Variants in CTNNA2 observed in about 807,000 individuals in gnomAD.
CTNNA2 encodes catenin alpha 2.
In CTNNA2, 42 loss-of-function variants were observed where a neutral mutation model predicts 101.0. The observed-to-expected ratio is 0.42, with a 90% CI of 0.32 to 0.54. The LOEUF is 0.54. Among genes scored for constraint, CTNNA2 ranks in the 20% least tolerant of loss-of-function variants. The pLI, the probability that CTNNA2 is intolerant of heterozygous loss-of-function variation, is 0.14. For synonymous variants in CTNNA2, 450 were observed against 456.4 expected (o/e 0.99, Z 0.18); for missense variants, 871 against 1,223.1 (o/e 0.71, Z 4.29).
At chr2:80,230,329 CA>C (rs2149072451) in intron 7 of CTNNA2, among the ~76,000 whole-genome samples, 1 of 147,026 alleles carries the variant, frequency 6.8e-6, no homozygotes, top group Admixed American at 6.9e-5. Flanking sequence ...CTCCTGGCCT[CA>C]AGCAATCTTC....
At chr2:79,482,339 A>C (rs546110660) in intron 4 of CTNNA2, among the ~76,000 whole-genome samples, 1 of 152,312 alleles carries the variant, frequency 6.6e-6, no homozygotes, top group South Asian at 2.1e-4. Context: ...GCACACAGGG[A>C]TGAAGGGTGC....
At chr2:79,313,413 A>G (rs1676427686) in intron 3 of CTNNA2, among the ~76,000 whole-genome samples, 1 of 152,204 alleles carries the variant, frequency 6.6e-6, no homozygotes, top group Admixed American at 6.5e-5. Context: ...TATGCTATGT[A>G]GTTTGCATGT....
chr2:79,810,036 T>C (rs11894704), intron 3 of CTNNA2, among the ~76,000 whole-genome samples: 29,113 of 152,044 alleles, frequency 0.19, 3,267 homozygotes, highest in African/African-American at 0.31. Flanking sequence ...AATAACCAGC[T>C]AGCATCATAA....
chr2:80,571,929 T>C lies in CTNNA2; in HGVS notation c.1742-2234T>C, dbSNP rs150144836. Among the ~76,000 whole-genome samples, 17 of 152,266 alleles carry C rather than the reference T, an allele frequency of 1.1e-4. No individual in the cohort carries two copies. In the East Asian group the frequency reaches 3.3e-3, roughly 29 times the overall value. ...TATATAACCTAGCAGGAAACAACTG[T>C]CTCTATGGTTATAGAGACACAAAAA... On this transcript the variant is annotated intron_variant, in intron 12 of 18. Transcript: ENST00000402739.
At position 79,217,155 on chromosome 2, in the gene CTNNA2, G is replaced by A. The variant is rs537977323; in HGVS notation, c.-406+19079G>A. Among the ~76,000 whole-genome samples the A allele has an allele frequency of 3.9e-5, 6 of 152,286 alleles. No individual in the cohort carries two copies. In the East Asian group the frequency reaches 5.8e-4, roughly 15 times the overall value. ...TTGGAGAAGAGAGTAAGAAAAGGAC[G>A]CTTACCTGATTTAAAATTGGTGAGA... On this transcript the variant is annotated intron_variant, in intron 2 of 21. Transcript: ENST00000466387.
chr2:80,207,976 C>T (rs1469841288), intron 7 of CTNNA2, among the ~76,000 whole-genome samples: 1 of 152,186 alleles, frequency 6.6e-6, no homozygotes, highest in African/African-American at 2.4e-5. Flanking sequence ...AGCAATAACA[C>T]ATGCAGGGAG....
intron 6 of CTNNA2, among the ~76,000 whole-genome samples, chr2:79,900,065 C>A (rs1341635161): frequency 6.6e-6 from 1 of 152,122 alleles, no homozygotes; most frequent in Non-Finnish European, 1.5e-5. Context: ...TTTAAATGAT[C>A]TTGATTTATG....
intron 8 of CTNNA2, among the ~76,000 whole-genome samples, chr2:80,411,868 C>A (rs897419784): frequency 8.5e-5 from 13 of 152,130 alleles, no homozygotes; most frequent in Non-Finnish European, 1.9e-4. Context: ...CAGTATCTGG[C>A]ACAAAATAAG....
At chr2:79,665,863 T>G (rs1682381100) in intron 2 of CTNNA2, among the ~76,000 whole-genome samples, 1 of 152,214 alleles carries the variant, frequency 6.6e-6, no homozygotes, top group African/African-American at 2.4e-5. Flanking sequence ...AAGTATCAAC[T>G]ACTTGAATAT....
chr2:79,744,397 T>G lies in CTNNA2; in HGVS notation c.113T>G (p.Leu38Arg). Reference protein sequence around the residue: ...LEPLVTQVTTLVNTSNKGPSG... With the variant: ...LEPLVTQVTTRVNTSNKGPSG... Reference sequence around the variant, plus strand: ...TCTTTTATATTTAAGGTGACTACACTTGTCAACACAAGCAACAAAGGCCCA... The same window carrying G: ...TCTTTTATATTTAAGGTGACTACACGTGTCAACACAAGCAACAAAGGCCCA... Residue 38 changes from leucine (L) to arginine (R), a missense_variant, in exon 3 of 19, where the codon CTT becomes CGT. This residue lies in a region of CTNNA2 where 647 missense variants were observed against 831.5 expected (regional missense o/e 0.78). Transcript: ENST00000402739. 6.2e-7 allele frequency: 1 copy of G among 1,611,276 alleles called. No homozygotes were observed. Among genetic ancestry groups the G allele is most frequent in the Non-Finnish European group, 8.5e-7 (1 of 1,179,286 alleles).
intron 3 of CTNNA2, among the ~76,000 whole-genome samples, chr2:79,324,151 A>C (rs1291430804): frequency 2.0e-5 from 3 of 152,300 alleles, no homozygotes; most frequent in Middle Eastern, 3.4e-3. Context: ...GACATAACAT[A>C]ATGACGCTTG....
intron 2 of CTNNA2, among the ~76,000 whole-genome samples, chr2:79,198,854 A>G (rs536994823): frequency 4.5e-4 from 62 of 138,234 alleles, no homozygotes; most frequent in African/African-American, 1.3e-3. Flanking sequence ...TGGCTTACAG[A>G]GATATAAAAA....
chr2:79,534,188 T>G (rs1368839391), intron 1 of CTNNA2, among the ~76,000 whole-genome samples: 1 of 152,184 alleles, frequency 6.6e-6, no homozygotes, highest in Non-Finnish European at 1.5e-5. Flanking sequence ...TTTTAAAAAG[T>G]CATAGTTCCC....
chr2:79,338,131 C>G (rs538807542), intron 3 of CTNNA2, among the ~76,000 whole-genome samples: 1 of 151,030 alleles, frequency 6.6e-6, no homozygotes, highest in Non-Finnish European at 1.5e-5. Flanking sequence ...GCCTATAATC[C>G]ATTACTCGGG....
intron 3 of CTNNA2, among the ~76,000 whole-genome samples, chr2:79,792,565 T>C (rs992955246): frequency 6.6e-6 from 1 of 152,186 alleles, no homozygotes; most frequent in Non-Finnish European, 1.5e-5. Context: ...CCTGCCTCAT[T>C]GCTTGGCATT....
chr2:80,167,057 TAC>T (rs1453598559), intron 7 of CTNNA2, among the ~76,000 whole-genome samples: 2 of 152,014 alleles, frequency 1.3e-5, no homozygotes, highest in Non-Finnish European at 2.9e-5. Flanking sequence ...ACTTGTTTTA[TAC>T]ATAATGGCCA....
At chr2:79,204,480 T>C (rs1285517866) in intron 2 of CTNNA2, among the ~76,000 whole-genome samples, 2 of 152,196 alleles carry the variant, frequency 1.3e-5, no homozygotes, top group African/African-American at 4.8e-5. Flanking sequence ...GCAATTATTC[T>C]ATTTTGGATA....
At chr2:79,993,466 C>T (rs1039383839) in intron 7 of CTNNA2, among the ~76,000 whole-genome samples, 3 of 152,158 alleles carry the variant, frequency 2.0e-5, no homozygotes, top group African/African-American at 4.8e-5. Flanking sequence ...AATTTGTTGC[C>T]CTCGGGCATC....
intron 9 of CTNNA2, among the ~76,000 whole-genome samples, chr2:80,455,533 G>A (rs757492982): frequency 2.4e-4 from 36 of 152,196 alleles, no homozygotes; most frequent in Non-Finnish European, 3.8e-4. Context: ...GAAGTTGCGA[G>A]TTAGTGGAAA....
Sources: gnomAD v4.1 joint callset for allele counts (sites outside exome capture counted in the v4.1 genomes callset) on GRCh38, gnomAD v4.1.1 for gene constraint, gnomAD v4.1.1 regional missense constraint, MANE v1.5 for transcripts, NCBI Gene and HGNC (gene_info 2026-07-23, HGNC 2026-07-21) for gene names.